SOX5: variants seen among roughly 807,000 people sequenced by gnomAD.
SOX5 encodes the protein transcription factor SOX-5.
A neutral mutation model predicts 92.0 loss-of-function variants in SOX5; 9 were observed. That is an observed-to-expected ratio of 0.10 (90% confidence interval 0.06 to 0.17). The LOEUF (loss-of-function observed/expected upper bound fraction) is 0.17. Among genes scored for constraint, SOX5 ranks in the 10% least tolerant of loss-of-function variants. The pLI is 1.00. For synonymous variants in SOX5, 344 were observed against 336.3 expected (o/e 1.02, Z -0.25); for missense variants, 642 against 944.5 (o/e 0.68, Z 4.20).
intron 3 of SOX5, among the ~76,000 whole-genome samples, chr12:24,232,958 T>C (rs1963714657): frequency 6.6e-6 from 1 of 152,184 alleles, no homozygotes; most frequent in African/African-American, 2.4e-5. Flanking sequence ...TAAAAACACA[T>C]AGCCCTTGGG....
In SOX5 at chr12:23,968,262, C is replaced by A. The variant is rs186981570; in HGVS notation, c.-1-72238G>T. 4.0e-4 allele frequency among the ~76,000 whole-genome samples: 61 copies of A among 152,262 alleles called. No homozygotes were observed. The East Asian group carries it at 8.5e-3, about 21-fold the overall frequency. ...GGCTTTTATCCACATACAGTGTGAT[C>A]AAAACTACTCTATTTGATTAACAGT... On this transcript the variant is annotated intron_variant, in intron 4 of 4. Transcript: ENST00000446891.
chr12:24,060,403 T>C (rs1421041484), intron 4 of SOX5, among the ~76,000 whole-genome samples: 1 of 152,218 alleles, frequency 6.6e-6, no homozygotes, highest in Non-Finnish European at 1.5e-5. Flanking sequence ...TGCAGGTGCA[T>C]GGGCTTTGGA....
chr12:24,432,871 A>C (rs945068952), intron 1 of SOX5, among the ~76,000 whole-genome samples: 1 of 152,186 alleles, frequency 6.6e-6, no homozygotes, highest in Non-Finnish European at 1.5e-5. Flanking sequence ...ACACACACAG[A>C]GTATGATCCA....
chr12:23,855,861 GCT>G (rs988205145), intron 2 of SOX5, among the ~76,000 whole-genome samples: 1 of 152,004 alleles, frequency 6.6e-6, no homozygotes, highest in African/African-American at 2.4e-5. Flanking sequence ...AAATCAGTCC[GCT>G]CTGTTACGCC....
chr12:24,221,446 A>G (rs1960407992), intron 3 of SOX5, among the ~76,000 whole-genome samples: 1 of 152,260 alleles, frequency 6.6e-6, no homozygotes, highest in Non-Finnish European at 1.5e-5. Flanking sequence ...GAATAAATGT[A>G]TTCATGAGAA....
In SOX5 at chr12:24,277,900, T is replaced by C. The variant is rs1186935462; in HGVS notation, c.-173-588A>G. 2.6e-5 allele frequency among the ~76,000 whole-genome samples: 4 copies of C among 152,278 alleles called. No individual in the cohort carries two copies. In the East Asian group the frequency reaches 7.7e-4, roughly 29 times the overall value. ...ATTTTTCATTTCATTCCATCACTGC[T>C]ATGTATTTCTCTGAGTGCCGTGCTC... On this transcript the variant is annotated intron_variant, in intron 2 of 4. Transcript: ENST00000446891.
At chr12:23,664,664 C>T (rs1482006146) in intron 7 of SOX5, among the ~76,000 whole-genome samples, 1 of 152,100 alleles carries the variant, frequency 6.6e-6, no homozygotes, top group African/African-American at 2.4e-5. Context: ...CATGAAATCA[C>T]AGGCATCTAA....
chr12:24,220,945 C>T (rs1431426660), intron 3 of SOX5, among the ~76,000 whole-genome samples: 1 of 147,986 alleles, frequency 6.8e-6, no homozygotes, highest in East Asian at 2.0e-4. Flanking sequence ...TGTTAGACAC[C>T]TTATCTACAC....
chr12:23,537,528 C>G (rs577462274), intron 13 of SOX5, among the ~76,000 whole-genome samples: 9 of 152,160 alleles, frequency 5.9e-5, no homozygotes, highest in African/African-American at 2.2e-4. Flanking sequence ...ATGCGTATTA[C>G]GATTTTCTCT....
At chr12:24,392,283 T>G (rs1472090261) in intron 1 of SOX5, among the ~76,000 whole-genome samples, 2 of 152,146 alleles carry the variant, frequency 1.3e-5, no homozygotes, top group Non-Finnish European at 2.9e-5. Flanking sequence ...CTTTGCAAAA[T>G]GTTCATCTGA....
At chr12:24,003,993 T>TA (rs1345883487) in intron 4 of SOX5, among the ~76,000 whole-genome samples, 1 of 152,072 alleles carries the variant, frequency 6.6e-6, no homozygotes, top group Admixed American at 6.6e-5. Flanking sequence ...CATCAACCCT[T>TA]ACATTTACAG....
intron 4 of SOX5, among the ~76,000 whole-genome samples, chr12:24,075,756 T>C (rs1254080543): frequency 6.6e-6 from 1 of 152,204 alleles, no homozygotes; most frequent in African/African-American, 2.4e-5. Flanking sequence ...CTTGTTTTGT[T>C]TGTTTTTTCA....
intron 1 of SOX5, among the ~76,000 whole-genome samples, chr12:24,527,383 T>C (rs1454827312): frequency 3.9e-5 from 6 of 152,236 alleles, no homozygotes; most frequent in African/African-American, 7.2e-5. Flanking sequence ...GATGAAAATC[T>C]AGTCATATGT....
At chr12:23,798,865 C>A (rs958998304) in intron 3 of SOX5, among the ~76,000 whole-genome samples, 1 of 151,922 alleles carries the variant, frequency 6.6e-6, no homozygotes, top group Admixed American at 6.6e-5. Flanking sequence ...AAAATTTGAT[C>A]TGTAAAAAGC....
intron 3 of SOX5, among the ~76,000 whole-genome samples, chr12:23,826,972 G>A (rs954368210): frequency 1.3e-5 from 2 of 152,164 alleles, no homozygotes; most frequent in Non-Finnish European, 2.9e-5. Context: ...ATAATAAACA[G>A]ACATGCTCAA....
At chr12:24,176,981 T>G (rs78749585) in intron 4 of SOX5, among the ~76,000 whole-genome samples, 3 of 101,400 alleles carry the variant, frequency 3.0e-5, no homozygotes, top group Non-Finnish European at 6.4e-5. Context: ...TTTTTTGTTT[T>G]TTTTTTTTTT....
At chr12:23,757,354 T>C (rs376889774) in intron 3 of SOX5, among the ~76,000 whole-genome samples, 60 of 152,088 alleles carry the variant, frequency 3.9e-4, no homozygotes, top group African/African-American at 1.4e-3. Context: ...AATTTCTATA[T>C]GGTATTGGTT....
chr12:23,594,499 C>A (rs1592381651), intron 9 of SOX5, among the ~76,000 whole-genome samples: 1 of 152,000 alleles, frequency 6.6e-6, no homozygotes, highest in Non-Finnish European at 1.5e-5. Context: ...TAAGGGAGTG[C>A]TGTAGAAGCC....
chr12:24,110,526 T>C (rs1419325852), intron 4 of SOX5, among the ~76,000 whole-genome samples: 1 of 152,186 alleles, frequency 6.6e-6, no homozygotes, highest in African/African-American at 2.4e-5. Flanking sequence ...GCTGCACTTT[T>C]AAATATCTCT....
Sources: allele counts gnomAD v4.1 joint callset (sites outside exome capture counted in the v4.1 genomes callset), GRCh38; gene constraint gnomAD v4.1.1; transcripts MANE v1.5; gene names NCBI Gene and HGNC (gene_info 2026-07-23, HGNC 2026-07-21).